Variants in AIFM1 observed in about 807,000 individuals in gnomAD.
AIFM1 encodes the protein apoptosis inducing factor mitochondria associated 1.
In AIFM1, 3 loss-of-function variants were observed where a neutral mutation model predicts 51.7. That is an observed-to-expected ratio of 0.06 (90% CI 0.03 to 0.15). The LOEUF (loss-of-function observed/expected upper bound fraction) is 0.15. Ranked by LOEUF, AIFM1 falls within the 10% of genes least tolerant of loss-of-function variation. The pLI is 1.00. For missense variants in AIFM1, 330 were observed against 476.8 expected (o/e 0.69, Z 2.87); for synonymous variants, 178 against 179.4 (o/e 0.99, Z 0.06).
intron 12 of AIFM1, 82 bp from the exon 13 acceptor site, chrX:130,133,537 CAAAG>C (rs2030194154): frequency 1.8e-6 from 2 of 1,100,755 alleles, no homozygotes; most frequent in Admixed American, 4.5e-5. Flanking sequence ...TTTGGGGGCT[CAAAG>C]AACACTTGTA....
chrX:130,137,598 G>A, intron 9 of AIFM1: 1 of 1,142,021 alleles, frequency 8.8e-7, no homozygotes, highest in Non-Finnish European at 1.2e-6. Flanking sequence ...CTCAAGCTGG[G>A]AACCATCATG....
At chrX:130,138,450 G>A in intron 9 of AIFM1, 143 bp downstream of exon 9, 1 of 490,134 alleles carries the variant, frequency 2.0e-6, no homozygotes, top group Non-Finnish European at 3.5e-6. Flanking sequence ...GGGTGACAGA[G>A]CGAGACTCCA....
Position 130,153,352 on chromosome X carries a change from C to CAA in AIFM1, c.249+3107_249+3108dup, listed in dbSNP as rs35771131. On this transcript the variant is annotated intron_variant, in intron 2 of 15. Transcript: ENST00000287295. ...TGGGCGACACAGAGAGACTCCGTTT[C>CAA]AAAAAAAAAAAAAAAAAAAAAAGTC... Among the ~76,000 whole-genome samples the CAA allele has an allele frequency of 3.1e-3, 132 of 42,840 alleles. 1 individual carries two copies. The highest frequency in any genetic ancestry group is 0.012 in the African/African-American group (122 of 10,320). 37.2% of individuals were successfully genotyped at this position (42,840 alleles called of 115,157 possible).
intron 14 of AIFM1, among the ~76,000 whole-genome samples, chrX:130,131,451 G>A (rs755387390): frequency 8.9e-6 from 1 of 112,707 alleles, no homozygotes; most frequent in East Asian, 2.8e-4. Flanking sequence ...GTCTAGGACA[G>A]ATACCCACAA....
intron 12 of AIFM1, among the ~76,000 whole-genome samples, chrX:130,133,903 A>AT (rs2030213609): frequency 9.2e-6 from 1 of 109,043 alleles, no homozygotes; most frequent in Admixed American, 9.8e-5. Flanking sequence ...AAGTGCTGGG[A>AT]TTACAGGCAT....
chrX:130,132,685 G>A (rs539880125), intron 13 of AIFM1, among the ~76,000 whole-genome samples: 17 of 111,282 alleles, frequency 1.5e-4, no homozygotes, highest in Non-Finnish European at 2.8e-4. Flanking sequence ...TTAGAGGCAT[G>A]AGCAACCATA....
chrX:130,155,101 G>C, intron 2 of AIFM1: 1 of 1,189,314 alleles, frequency 8.4e-7, no homozygotes, highest in South Asian at 1.8e-5. Context: ...GTTTTCATTA[G>C]TGCCATGGGC....
chrX:130,140,424 A>G (rs887557703), intron 7 of AIFM1, 109 bp downstream of exon 7: 12 of 649,355 alleles, frequency 1.8e-5, no homozygotes, highest in Middle Eastern at 3.0e-4. Context: ...CACTTCAGAG[A>G]GTCTGGGTTT....
At chrX:130,160,395 G>A (rs1261689140) in intron 1 of AIFM1, among the ~76,000 whole-genome samples, 1 of 111,935 alleles carries the variant, frequency 8.9e-6, no homozygotes, top group Non-Finnish European at 1.9e-5. Context: ...GTTTTCTGCA[G>A]TCAGACCACA....
rs1417043874 is a variant in AIFM1 at position 130,165,709 on chromosome X, C to T, written c.-53G>A. On this transcript the variant is annotated 5_prime_UTR_variant, in exon 1 of 16. Transcript: ENST00000287295. The stretch of plus-strand genomic sequence containing the variant: ...CCTTCCCTTTCCTCTCACGCACGAC[C>T]GACGGGTCAAACACCGTGAGCCCCG... 21 of 1,042,239 alleles carry T rather than the reference C, an allele frequency of 2.0e-5. No homozygotes were observed. Among genetic ancestry groups the T allele is most frequent in the Non-Finnish European group, 2.5e-5 (19 of 758,469 alleles). The allele number at this position is 1,042,239 out of a possible 1,213,427, so 85.9% of individuals were successfully genotyped here.
At chrX:130,152,841 G>A (rs768968592) in intron 2 of AIFM1, among the ~76,000 whole-genome samples, 44 of 112,044 alleles carry the variant, frequency 3.9e-4, no homozygotes, top group African/African-American at 1.4e-3. Flanking sequence ...CCATTAGTGG[G>A]CTGTGAAGTC....
intron 2 of AIFM1, among the ~76,000 whole-genome samples, chrX:130,153,552 A>G (rs1277416179): frequency 1.8e-5 from 2 of 111,194 alleles, no homozygotes; most frequent in African/African-American, 6.5e-5. Flanking sequence ...CTATTCCTAT[A>G]TTGAAGCCTT....
In AIFM1 at chrX:130,137,171, T is replaced by C; in HGVS notation, c.982A>G (p.Thr328Ala). Reference sequence around the variant, plus strand: ...TCGGGGAAGAGTTGAATCACTTCTGTGCCCAAGGCTCGAGCTGGGAAGAAG... The same window carrying C: ...TCGGGGAAGAGTTGAATCACTTCTGCGCCCAAGGCTCGAGCTGGGAAGAAG... ...ALGRKARALG[T>A]EVIQLFPEKG... Residue 328 changes from threonine to alanine, a missense_variant, in exon 10 of 16, where the codon ACA becomes GCA. Physicochemically the swap from Thr to Ala is moderately conservative, Grantham distance 58. Around this residue, in one of 4 missense-constraint regions of AIFM1, gnomAD observed 152 missense variants for 292.8 expected, o/e 0.52. Coordinates refer to ENST00000287295, the MANE Select transcript of AIFM1 (RefSeq NM_004208.4). 1 of 1,211,463 alleles carries C rather than the reference T, an allele frequency of 8.3e-7. No homozygotes were observed. The highest frequency in any genetic ancestry group is 1.1e-6 in the Non-Finnish European group (1 of 895,509).
At chrX:130,136,944 A>C in intron 10 of AIFM1, 134 bp downstream of exon 10, 1 of 1,154,044 alleles carries the variant, frequency 8.7e-7, no homozygotes. Context: ...AACTTAGCTG[A>C]CTGGAGAATG....
intron 9 of AIFM1, chrX:130,137,645 C>A: frequency 9.0e-7 from 1 of 1,115,111 alleles, no homozygotes. Flanking sequence ...CAGGAAGCAG[C>A]AGTTCAAAGA....
At position 130,133,189 on chromosome X, in the gene AIFM1, T is replaced by TG. The variant is rs908662708; in HGVS notation, c.1448+123dup. On this transcript the variant is annotated intron_variant, in intron 13 of 15. Coordinates refer to ENST00000287295, the MANE Select transcript of AIFM1 (RefSeq NM_004208.4). ...GAGGGTAGAATGTGTGGACATAAGA[T>TG]GGACTTTTTTCCCTTCTGTATGAAG... The TG allele has an allele frequency of 6.6e-6, 6 of 903,324 alleles. No homozygotes were observed. The Admixed American group carries it at 1.3e-4, about 20-fold the overall frequency. The allele number at this position is 903,324 out of a possible 1,213,427, so 74.4% of individuals were successfully genotyped here. A position where few individuals can be genotyped will look rare whatever the true frequency, so the allele number is the denominator to read the frequency against.
At chrX:130,137,005 T>C in intron 10 of AIFM1, 73 bp downstream of exon 10, 1 of 1,209,602 alleles carries the variant, frequency 8.3e-7, no homozygotes, top group Non-Finnish European at 1.1e-6. Context: ...AGGGGGTTCC[T>C]ATAGAAGCGA....
At chrX:130,162,298 G>C (rs1427230398) in intron 1 of AIFM1, among the ~76,000 whole-genome samples, 1 of 111,821 alleles carries the variant, frequency 8.9e-6, no homozygotes. Context: ...CAAAACAGAA[G>C]GGGAAGAGTC....
At chrX:130,158,980 T>G (rs2031264043) in intron 1 of AIFM1, among the ~76,000 whole-genome samples, 1 of 111,376 alleles carries the variant, frequency 9.0e-6, no homozygotes, top group Non-Finnish European at 1.9e-5. Context: ...ATCTGTGGTC[T>G]CTCATCTGAA....
Sources: gnomAD v4.1 joint callset for allele counts (sites outside exome capture counted in the v4.1 genomes callset) on GRCh38, gnomAD v4.1.1 for gene constraint, gnomAD v4.1.1 regional missense constraint, MANE v1.5 for transcripts, NCBI Gene and HGNC (gene_info 2026-07-23, HGNC 2026-07-21) for gene names.